Variants in ELK4 observed in about 807,000 individuals in gnomAD.
The protein encoded by ELK4 is ETS domain-containing protein Elk-4.
Under a neutral mutation model 29.6 loss-of-function variants are expected in ELK4, and 16 were observed. That is an observed-to-expected ratio of 0.54 (90% CI 0.37 to 0.82). The LOEUF is 0.82. Among genes scored for constraint, ELK4 ranks in the 40% least tolerant of loss-of-function variants. ELK4 has a pLI of 0.00. For synonymous variants in ELK4, 213 were observed against 191.1 expected (o/e 1.11, Z -0.95); for missense variants, 465 against 507.1 (o/e 0.92, Z 0.80).
In ELK4 at chr1:205,619,146, TA is replaced by T. The variant is rs1402598780; in HGVS notation, c.1081-74del. On this transcript the variant is annotated intron_variant, in intron 3 of 4. Coordinates refer to ENST00000357992, the MANE Select transcript of ELK4 (RefSeq NM_001973.4). ...TTTTATCCTTGAAACAGCACACAAATAACCCAAACCTAAATATTGCCCTATC... is the reference window on the plus strand; with the variant it reads ...TTTTATCCTTGAAACAGCACACAAATACCCAAACCTAAATATTGCCCTATC... 1.1e-5 allele frequency: 14 copies of T among 1,317,800 alleles called. No homozygotes were observed. In the African/African-American group the frequency reaches 1.8e-4, roughly 17 times the overall value. 81.6% of individuals were successfully genotyped at this position (1,317,800 alleles called of 1,614,324 possible). A position where few individuals can be genotyped will look rare whatever the true frequency, so the allele number is the denominator to read the frequency against.
intron 2 of ELK4, among the ~76,000 whole-genome samples, chr1:205,622,741 T>C (rs1037597222): frequency 2.6e-5 from 4 of 152,228 alleles, no homozygotes; most frequent in African/African-American, 9.6e-5. Context: ...TCCTCAAGAA[T>C]CTCAAATTGC....
rs149278671 is a variant in ELK4, at chr1:205,625,405, G to C, written c.-9-1514C>G. 266 of 500,020 alleles carry C rather than the reference G, an allele frequency of 5.3e-4. 1 individual carries two copies. Among genetic ancestry groups the C allele is most frequent in the African/African-American group, 4.7e-3 (243 of 51,640 alleles). The allele number at this position is 500,020 out of a possible 1,614,324, so 31.0% of individuals were successfully genotyped here. The stretch of plus-strand genomic sequence containing the variant: ...CATTGGCTGAATCTGCCTACTTGTC[G>C]CCACTATCACTGCCACCCACCTCCC... On this transcript the variant is annotated intron_variant, in intron 1 of 4. Coordinates refer to ENST00000357992, the MANE Select transcript of ELK4 (RefSeq NM_001973.4).
chr1:205,628,984 T>C (rs1670519333), intron 1 of ELK4, among the ~76,000 whole-genome samples: 1 of 151,928 alleles, frequency 6.6e-6, no homozygotes, highest in South Asian at 2.1e-4. Context: ...CCATCCTGGC[T>C]AACAAGGTGA....
chr1:205,614,059 C>T lies in ELK4; in HGVS notation c.*2487G>A, dbSNP rs1462583585. 1.3e-5 allele frequency: 3 copies of T among 224,328 alleles called. No individual in the cohort carries two copies. The highest frequency in any genetic ancestry group is 1.8e-5 in the Non-Finnish European group (2 of 112,510). The allele number at this position is 224,328 out of a possible 1,614,324, so 13.9% of individuals were successfully genotyped here. On this transcript the variant is annotated 3_prime_UTR_variant, in exon 5 of 5. Transcript: ENST00000357992. ...GTAAACTTTGACTTAAAAAAGGATA[C>T]GCACACACACACTTCTCCAAATTAG...
intron 3 of ELK4, chr1:205,619,691 A>T: frequency 7.0e-7 from 1 of 1,421,482 alleles, no homozygotes; most frequent in South Asian, 1.7e-5. Context: ...AGAGAGCGAG[A>T]GAGTGTGTGT....
chr1:205,626,573 A>C (rs1256278514), intron 1 of ELK4, among the ~76,000 whole-genome samples: 1 of 148,186 alleles, frequency 6.7e-6, no homozygotes, highest in East Asian at 1.9e-4. Flanking sequence ...GAAACCACCA[A>C]AAAAAAAATG....
At position 205,620,681 on chromosome 1, in the gene ELK4, T is replaced by C; in HGVS notation, c.365A>G (p.Asn122Ser). ...EVSSSSKDVE[N>S]GGKDKPPQPG... The stretch of plus-strand genomic sequence containing the variant: ...CTGAGGTGGTTTATCTTTCCCTCCA[T>C]TCTCCACATCTTTGGAACTGCTGCT... The change falls in exon 3 of 5, where the codon AAT (asparagine) becomes AGT (serine). Residue 122 changes from asparagine to serine, a missense_variant. This residue lies in a region of ELK4 where 385 missense variants were observed against 387.5 expected (regional missense o/e 0.99). Transcript: ENST00000357992. 6.2e-7 allele frequency: 1 copy of C among 1,614,174 alleles called. No homozygotes were observed. Among genetic ancestry groups the C allele is most frequent in the African/African-American group, 1.3e-5 (1 of 75,036 alleles).
At position 205,619,948 on chromosome 1, in the gene ELK4, A is replaced by G. The variant is rs754171897; in HGVS notation, c.1080+18T>C. On this transcript the variant is annotated intron_variant, in intron 3 of 4. Coordinates refer to ENST00000357992, the MANE Select transcript of ELK4 (RefSeq NM_001973.4). ...TAAATGAAAGCAATGGTGACACCAT[A>G]AAGAGCGAGCAAGCTACCTGTGAAA... 1.8e-5 allele frequency: 29 copies of G among 1,614,244 alleles called. No homozygotes were observed. Among genetic ancestry groups the G allele is most frequent in the Non-Finnish European group, 2.0e-5 (24 of 1,180,048 alleles).
In ELK4 at chr1:205,610,066, A is replaced by G. The variant is rs1277676818; in HGVS notation, c.*6480T>C. 4.3e-6 allele frequency: 1 copy of G among 232,006 alleles called. No individual in the cohort carries two copies. The highest frequency in any genetic ancestry group is 2.2e-5 in the African/African-American group (1 of 45,308). 14.4% of individuals were successfully genotyped at this position (232,006 alleles called of 1,614,324 possible). On this transcript the variant is annotated 3_prime_UTR_variant, in exon 5 of 5. Transcript: ENST00000357992. ...AATATTGGTGCCCAAGAAAGTGCCA[A>G]GTGATTAACACCAATATATGGCATT...
Position 205,620,477 on chromosome 1 carries a change from T to G in ELK4, c.569A>C (p.Lys190Thr), listed in dbSNP as rs763834169. The G allele has an allele frequency of 6.2e-7, 1 of 1,614,166 alleles. No homozygotes were observed. Among genetic ancestry groups the G allele is most frequent in the South Asian group, 1.1e-5 (1 of 91,066 alleles). ...CTTTTTGGAAGGTGTCGTGACAAAT[T>G]TGATGACAGATGGTGTGGGCTCCTG... is the stretch of plus-strand genomic sequence containing the variant. ...SPQEPTPSVIKFVTTPSKKPP... is the reference protein window; with the variant it reads ...SPQEPTPSVITFVTTPSKKPP... Residue 190 changes from lysine (K) to threonine (T), a missense_variant, in exon 3 of 5, where the codon AAA (lysine) becomes ACA (threonine). Physicochemically the swap from Lys to Thr is moderately conservative, Grantham distance 78. Coordinates refer to ENST00000357992, the MANE Select transcript of ELK4 (RefSeq NM_001973.4).
chr1:205,617,984 T>TGAGAGA (rs898266780), intron 4 of ELK4, among the ~76,000 whole-genome samples: 1 of 131,322 alleles, frequency 7.6e-6, no homozygotes, highest in African/African-American at 2.7e-5. Flanking sequence ...TGTGTGTGTG[T>TGAGAGA]GAGAGAGAGA....
chr1:205,613,227 C>T lies in ELK4; in HGVS notation c.*3319G>A. 1 of 198,140 alleles carries T rather than the reference C, an allele frequency of 5.0e-6. No homozygotes were observed. Among genetic ancestry groups the T allele is most frequent in the Non-Finnish European group, 1.0e-5 (1 of 95,690 alleles). 12.3% of individuals were successfully genotyped at this position (198,140 alleles called of 1,614,324 possible). On this transcript the variant is annotated 3_prime_UTR_variant, in exon 5 of 5. Coordinates refer to ENST00000357992, the MANE Select transcript of ELK4 (RefSeq NM_001973.4). ...GGTGCATGCCTGTAGCCCAGCTATG[C>T]AGGAGGCTGAGGCAGGAGGATCACT... is the stretch of plus-strand genomic sequence containing the variant.
intron 1 of ELK4, chr1:205,625,461 G>C (rs969608617): frequency 7.8e-6 from 5 of 641,072 alleles, no homozygotes; most frequent in Non-Finnish European, 1.5e-5. Flanking sequence ...GCCCAGCCTA[G>C]TTCAGCCGGG....
rs1489562113 is a variant in ELK4, at chr1:205,611,934, CTTA to C, written c.*4609_*4611del. 3 of 185,830 alleles carry C rather than the reference CTTA, an allele frequency of 1.6e-5. No individual in the cohort carries two copies. Among genetic ancestry groups the C allele is most frequent in the African/African-American group, 7.0e-5 (3 of 42,690 alleles). 11.5% of individuals were successfully genotyped at this position (185,830 alleles called of 1,614,324 possible). On this transcript the variant is annotated 3_prime_UTR_variant, in exon 5 of 5. Transcript: ENST00000357992. ...AATATCAGATTTTAAAAATCAAAAA[CTTA>C]TTAATGCAGCAAGAAAATGTAACTT...
At chr1:205,629,640 C>G (rs1404618938) in intron 1 of ELK4, among the ~76,000 whole-genome samples, 1 of 152,148 alleles carries the variant, frequency 6.6e-6, no homozygotes, top group South Asian at 2.1e-4. Flanking sequence ...TCATTTGAAC[C>G]CAGGAGGCGG....
chr1:205,610,570 T>C lies in ELK4; in HGVS notation c.*5976A>G, dbSNP rs1385644719. 4.3e-6 allele frequency: 1 copy of C among 230,114 alleles called. No individual in the cohort carries two copies. Among genetic ancestry groups the C allele is most frequent in the Non-Finnish European group, 8.6e-6 (1 of 116,166 alleles). 14.3% of individuals were successfully genotyped at this position (230,114 alleles called of 1,614,324 possible). On this transcript the variant is annotated 3_prime_UTR_variant, in exon 5 of 5. Transcript: ENST00000357992. ...ATGAACCTAAGAGAACAGTTTACTATGACTTTGTTTAGAGTATGTCACATG... is the reference window on the plus strand; with the variant it reads ...ATGAACCTAAGAGAACAGTTTACTACGACTTTGTTTAGAGTATGTCACATG...
At chr1:205,621,767 CCCCGGCCTCCCAA>C (rs1670354283) in intron 2 of ELK4, among the ~76,000 whole-genome samples, 1 of 152,002 alleles carries the variant, frequency 6.6e-6, no homozygotes, top group African/African-American at 2.4e-5. Flanking sequence ...GATCCACCCA[CCCCGGCCTCCCAA>C]AGTGTTGGGA....
chr1:205,614,964 T>C lies in ELK4; in HGVS notation c.*1582A>G, dbSNP rs1670208304. On this transcript the variant is annotated 3_prime_UTR_variant, in exon 5 of 5. Transcript: ENST00000357992. ...TCAGTTTGGGGAACCAACAAATCTG[T>C]ACCTGGCATTGATTACCATATAGTA... 9.4e-6 allele frequency: 2 copies of C among 213,728 alleles called. No homozygotes were observed. The highest frequency in any genetic ancestry group is 1.2e-4 in the Admixed American group (2 of 17,120). The allele number at this position is 213,728 out of a possible 1,614,324, so 13.2% of individuals were successfully genotyped here. A position where few individuals can be genotyped will look rare whatever the true frequency, so the allele number is the denominator to read the frequency against.
chr1:205,619,363 T>C, intron 3 of ELK4: 3 of 1,068,582 alleles, frequency 2.8e-6, no homozygotes, highest in Non-Finnish European at 3.4e-6. Flanking sequence ...TCTGAGATTC[T>C]GGTGCTCAAC....
Sources: gnomAD v4.1 joint callset for allele counts (sites outside exome capture counted in the v4.1 genomes callset) on GRCh38, gnomAD v4.1.1 for gene constraint, gnomAD v4.1.1 regional missense constraint, MANE v1.5 for transcripts, NCBI Gene and HGNC (gene_info 2026-07-23, HGNC 2026-07-21) for gene names.